The following PCED1B variants were observed in gnomAD, a reference collection of about 807,000 sequenced individuals.
PCED1B encodes PC-esterase domain containing 1B.
For missense variants in PCED1B, 573 were observed against 573.9 expected (o/e 1.00, Z 0.02); for synonymous variants, 251 against 246.1 (o/e 1.02, Z -0.19).
chr12:47,145,833 G>T (rs182445238), intron 2 of PCED1B, among the ~76,000 whole-genome samples: 1 of 151,852 alleles, frequency 6.6e-6, no homozygotes, highest in Non-Finnish European at 1.5e-5. Context: ...GGAGATAAAT[G>T]TTGTTTCATG....
chr12:47,112,323 C>T (rs191884747), intron 2 of PCED1B, among the ~76,000 whole-genome samples: 1 of 152,308 alleles, frequency 6.6e-6, no homozygotes, highest in East Asian at 1.9e-4. Context: ...TTCCTAATGA[C>T]TTCCAAATAC....
intron 1 of PCED1B, among the ~76,000 whole-genome samples, chr12:47,101,301 G>T (rs1244879311): frequency 6.6e-6 from 1 of 152,098 alleles, no homozygotes; most frequent in African/African-American, 2.4e-5. Flanking sequence ...AAGAGCACTG[G>T]TCCAGGAGTC....
intron 1 of PCED1B, among the ~76,000 whole-genome samples, chr12:47,089,907 G>T (rs1241149762): frequency 6.6e-6 from 1 of 152,058 alleles, no homozygotes; most frequent in East Asian, 1.9e-4. Flanking sequence ...CCGAGTAGCT[G>T]GGATTACAGG....
rs867279439 is a variant in PCED1B at position 47,235,615 on chromosome 12, G to A, written c.552G>A (p.Gln184=). 6.2e-7 allele frequency: 1 copy of A among 1,610,146 alleles called. No homozygotes were observed. The highest frequency in any genetic ancestry group is 8.5e-7 in the Non-Finnish European group (1 of 1,177,876). Residue 184 remains glutamine (Q), a synonymous_variant, in exon 4 of 4, where the codon CAG becomes CAA. Coordinates refer to ENST00000546455, the MANE Select transcript of PCED1B (RefSeq NM_138371.3). ...GGFLPPKLRR[Q]KATFLKNEVV... ...TTCTTCCGCCCAAGCTCCGGCGGCA[G>A]AAGGCCACCTTCCTGAAAAACGAAG...
chr12:47,124,706 AT>A (rs1435038380), intron 2 of PCED1B, among the ~76,000 whole-genome samples: 1 of 151,978 alleles, frequency 6.6e-6, no homozygotes, highest in Non-Finnish European at 1.5e-5. Flanking sequence ...CAGTCTTTAA[AT>A]TTAGGCATTC....
chr12:47,128,188 G>A (rs944761264), intron 2 of PCED1B, among the ~76,000 whole-genome samples: 5 of 152,132 alleles, frequency 3.3e-5, no homozygotes, highest in Non-Finnish European at 5.9e-5. Context: ...AGTGGTATGA[G>A]CACTGTGGTT....
rs142662822 is a variant in PCED1B at position 47,167,524 on chromosome 12, T to G, written c.-525-48698T>G. On this transcript the variant is annotated intron_variant, in intron 2 of 3. Transcript: ENST00000546455. ...AGAGTTGTCAGGGGAAAGAGCCAGT[T>G]GTCTTTGAATCCTGCACATGGACAA... is the stretch of plus-strand genomic sequence containing the variant. 2.6e-3 allele frequency among the ~76,000 whole-genome samples: 401 copies of G among 152,238 alleles called. 2 individuals are homozygous for G. Among genetic ancestry groups the G allele is most frequent in the African/African-American group, 9.3e-3 (388 of 41,548 alleles).
In PCED1B at chr12:47,145,052, A is replaced by G. The variant is rs546348714; in HGVS notation, c.-526+40857A>G. 2.0e-5 allele frequency among the ~76,000 whole-genome samples: 3 copies of G among 152,344 alleles called. No individual in the cohort carries two copies. The East Asian group carries it at 5.8e-4, about 29-fold the overall frequency. Reference sequence around the variant, plus strand: ...AACCAGGTTGTAAATGCAAAAGAAAAATTCTTGAAGCAAATTAAAAGTGCT... The same window carrying G: ...AACCAGGTTGTAAATGCAAAAGAAAGATTCTTGAAGCAAATTAAAAGTGCT... On this transcript the variant is annotated intron_variant, in intron 2 of 3. Transcript: ENST00000546455.
intron 2 of PCED1B, among the ~76,000 whole-genome samples, chr12:47,181,435 T>C (rs1331879979): frequency 6.6e-6 from 1 of 151,720 alleles, no homozygotes; most frequent in Non-Finnish European, 1.5e-5. Flanking sequence ...AATGGTGCAA[T>C]CTTAGCTCAC....
At chr12:47,167,688 G>T (rs565816424) in intron 2 of PCED1B, among the ~76,000 whole-genome samples, 1 of 152,262 alleles carries the variant, frequency 6.6e-6, no homozygotes, top group Non-Finnish European at 1.5e-5. Flanking sequence ...CCATGGAATC[G>T]ATCGAATTAC....
At chr12:47,161,318 G>A (rs1025943086) in intron 2 of PCED1B, among the ~76,000 whole-genome samples, 3 of 152,142 alleles carry the variant, frequency 2.0e-5, no homozygotes, top group African/African-American at 4.8e-5. Flanking sequence ...AGCACAATTT[G>A]TTAAAAAAAT....
chr12:47,092,085 C>A (rs937722179), intron 1 of PCED1B, among the ~76,000 whole-genome samples: 1 of 152,044 alleles, frequency 6.6e-6, no homozygotes, highest in African/African-American at 2.4e-5. Context: ...GAACCTGTAG[C>A]TTAGATTTTG....
At chr12:47,232,167 G>A (rs1036542474) in intron 3 of PCED1B, among the ~76,000 whole-genome samples, 1 of 152,132 alleles carries the variant, frequency 6.6e-6, no homozygotes, top group Non-Finnish European at 1.5e-5. Flanking sequence ...AGTCCCAAAG[G>A]GATTTGGAGT....
At chr12:47,196,215 T>G (rs832741) in intron 2 of PCED1B, among the ~76,000 whole-genome samples, 91,797 of 152,060 alleles carry the variant, frequency 0.6, 27,923 homozygotes, top group East Asian at 0.77. Context: ...TTCAACTTAA[T>G]AGTGCTTTGC....
intron 2 of PCED1B, among the ~76,000 whole-genome samples, chr12:47,104,471 G>A (rs1938857744): frequency 6.6e-6 from 1 of 152,212 alleles, no homozygotes; most frequent in African/African-American, 2.4e-5. Context: ...CATGGTAAGA[G>A]CTCTGTAATG....
intron 2 of PCED1B, among the ~76,000 whole-genome samples, chr12:47,152,535 G>A (rs1366302633): frequency 6.6e-6 from 1 of 152,220 alleles, no homozygotes; most frequent in African/African-American, 2.4e-5. Flanking sequence ...TACACACAAT[G>A]TGGGATCCTG....
At chr12:47,135,860 G>C (rs895378414) in intron 2 of PCED1B, 2 of 441,470 alleles carry the variant, frequency 4.5e-6, no homozygotes, top group Non-Finnish European at 9.0e-6. Flanking sequence ...TGGAGCGGCC[G>C]GTGTTGGCAG....
At chr12:47,231,551 G>T (rs1395362834) in intron 3 of PCED1B, among the ~76,000 whole-genome samples, 1 of 152,108 alleles carries the variant, frequency 6.6e-6, no homozygotes, top group Non-Finnish European at 1.5e-5. Flanking sequence ...AATTTTTATG[G>T]CTTGATAAGA....
chr12:47,220,068 C>CAAAAAAAAAAAAA (rs763940625), intron 3 of PCED1B, among the ~76,000 whole-genome samples: 1 of 103,738 alleles, frequency 9.6e-6, no homozygotes, highest in Non-Finnish European at 2.1e-5. Flanking sequence ...GACACTGCCT[C>CAAAAAAAAAAAAA]AAAAAAAAAA....
Sources: allele counts gnomAD v4.1 joint callset (sites outside exome capture counted in the v4.1 genomes callset), GRCh38; gene constraint gnomAD v4.1.1; transcripts MANE v1.5; gene names NCBI Gene and HGNC (gene_info 2026-07-23, HGNC 2026-07-21).